Variants in KLHL4 observed in about 807,000 individuals in gnomAD.
KLHL4 encodes the protein kelch-like protein 4.
In KLHL4, 17 loss-of-function variants were observed where a neutral mutation model predicts 45.8. The ratio of observed to expected loss-of-function variants is 0.37; its 90% CI spans 0.25 to 0.56. KLHL4 has a LOEUF of 0.56. Ranked by LOEUF, KLHL4 falls within the 20% of genes least tolerant of loss-of-function variation. KLHL4 has a pLI of 0.79. For synonymous variants in KLHL4, 224 were observed against 189.9 expected, an observed-to-expected ratio of 1.18 and a Z score of -1.47; for missense variants, 544 against 544.9, an observed-to-expected ratio of 1.00 and a Z score of 0.02.
At chrX:87,607,556 A>T (rs1922237614) in intron 1 of KLHL4, among the ~76,000 whole-genome samples, 1 of 111,716 alleles carries the variant, frequency 9.0e-6, no homozygotes, top group African/African-American at 3.3e-5. Context: ...AAAAACAAAA[A>T]CCTTGGTTAA....
chrX:87,527,061 A>C (rs1931125790), intron 1 of KLHL4, among the ~76,000 whole-genome samples: 2 of 112,019 alleles, frequency 1.8e-5, no homozygotes, highest in South Asian at 7.4e-4. Context: ...CAATGGAAAA[A>C]TTTATCATTG....
chrX:87,547,482 A>G (rs1378102960), intron 1 of KLHL4, among the ~76,000 whole-genome samples: 2 of 111,534 alleles, frequency 1.8e-5, no homozygotes, highest in African/African-American at 6.5e-5. Flanking sequence ...CTTTACAGAC[A>G]TGGGAAAACA....
At chrX:87,564,650 C>T (rs948016684) in intron 1 of KLHL4, among the ~76,000 whole-genome samples, 1 of 111,523 alleles carries the variant, frequency 9.0e-6, no homozygotes, top group Non-Finnish European at 1.9e-5. Context: ...TAGCTAACAA[C>T]ACAGCAACAA....
intron 1 of KLHL4, among the ~76,000 whole-genome samples, chrX:87,572,742 G>T (rs1249106408): frequency 9.4e-6 from 1 of 106,335 alleles, no homozygotes; most frequent in African/African-American, 3.4e-5. Context: ...AAAGCAGAAG[G>T]AAAATATGTT....
intron 9 of KLHL4, among the ~76,000 whole-genome samples, chrX:87,637,374 C>T (rs1923297443): frequency 9.0e-6 from 1 of 111,371 alleles, no homozygotes; most frequent in Non-Finnish European, 1.9e-5. Context: ...CATAGTCTAC[C>T]CAAATGAGAA....
In KLHL4 at chrX:87,645,826, C is replaced by T. The variant is rs190160947; in HGVS notation, c.1925+10051C>T. Among the ~76,000 whole-genome samples the T allele has an allele frequency of 6.5e-3, 725 of 111,156 alleles. 4 individuals carry two copies. The highest frequency in any genetic ancestry group is 0.022 in the African/African-American group (674 of 30,589). On this transcript the variant is annotated intron_variant, in intron 9 of 10. Coordinates refer to ENST00000373119, the MANE Select transcript of KLHL4 (RefSeq NM_019117.5). ...TGGAAAACCAAACATTGTATGTTCTCGCTGATATGTGGGAGCTAAACTATG... is the reference window on the plus strand; with the variant it reads ...TGGAAAACCAAACATTGTATGTTCTTGCTGATATGTGGGAGCTAAACTATG...
intron 9 of KLHL4, among the ~76,000 whole-genome samples, chrX:87,641,597 G>C (rs1221562996): frequency 3.6e-5 from 4 of 111,671 alleles, no homozygotes; most frequent in Admixed American, 9.5e-5. Context: ...GGTGGGGGAA[G>C]AACCAAGCCC....
intron 1 of KLHL4, among the ~76,000 whole-genome samples, chrX:87,559,930 A>C (rs1233357503): frequency 8.9e-6 from 1 of 111,872 alleles, no homozygotes; most frequent in Non-Finnish European, 1.9e-5. Context: ...AATTATAAAA[A>C]ACAATTTCTT....
chrX:87,562,617 T>C (rs2213679), intron 1 of KLHL4, among the ~76,000 whole-genome samples: 27,261 of 109,635 alleles, frequency 0.25, 2,918 homozygotes, highest in East Asian at 0.51. Flanking sequence ...CACAGTATAT[T>C]CCTAAAGTTC....
chrX:87,535,761 G>A (rs1396813249), intron 1 of KLHL4, among the ~76,000 whole-genome samples: 1 of 110,582 alleles, frequency 9.0e-6, no homozygotes, highest in Non-Finnish European at 1.9e-5. Context: ...GGGCCTGGTG[G>A]GAGCTGATTG....
Position 87,669,369 on chromosome X carries a change from A to T in KLHL4, c.*2835A>T. ...CTACAAAACTTCTATACCACACAGA[A>T]GCTGAAAGAGACTCTGGGGCACTAA... On this transcript the variant is annotated 3_prime_UTR_variant, in exon 11 of 11. Coordinates refer to ENST00000373119, the MANE Select transcript of KLHL4 (RefSeq NM_019117.5). 1 of 1,208,156 alleles carries T rather than the reference A, an allele frequency of 8.3e-7. No homozygotes were observed. Among genetic ancestry groups the T allele is most frequent in the Non-Finnish European group, 1.1e-6 (1 of 892,663 alleles).
At chrX:87,531,583 C>T (rs1188177742) in intron 1 of KLHL4, among the ~76,000 whole-genome samples, 4 of 106,529 alleles carry the variant, frequency 3.8e-5, no homozygotes, top group East Asian at 3.1e-4. Context: ...CTAGAAAACC[C>T]CATTTTCTCA....
intron 1 of KLHL4, among the ~76,000 whole-genome samples, chrX:87,543,296 G>A (rs1931602889): frequency 9.0e-6 from 1 of 111,554 alleles, no homozygotes; most frequent in South Asian, 3.7e-4. Flanking sequence ...AGGAGAGGCA[G>A]AGCAAGATGG....
intron 1 of KLHL4, among the ~76,000 whole-genome samples, chrX:87,523,038 T>C (rs1931034365): frequency 8.9e-6 from 1 of 112,250 alleles, no homozygotes; most frequent in Non-Finnish European, 1.9e-5. Context: ...ATTTCTGATA[T>C]GTGAAAGACA....
chrX:87,594,691 A>T (rs1921781019), intron 1 of KLHL4, among the ~76,000 whole-genome samples: 1 of 111,806 alleles, frequency 8.9e-6, no homozygotes, highest in Non-Finnish European at 1.9e-5. Context: ...ATACAGATCC[A>T]CTAGAATTCA....
Position 87,549,224 on chromosome X carries a change from G to A in KLHL4, c.422+30909G>A, listed in dbSNP as rs773416684. On this transcript the variant is annotated intron_variant, in intron 1 of 10. Transcript: ENST00000373119. Reference sequence around the variant, plus strand: ...TCAATTTTAAAAAGGATACATAATAGCAACGTTAAATATATATGCATCCAA... The same window carrying A: ...TCAATTTTAAAAAGGATACATAATAACAACGTTAAATATATATGCATCCAA... Among the ~76,000 whole-genome samples, 3 of 110,517 alleles carry A rather than the reference G, an allele frequency of 2.7e-5. No homozygotes were observed. The South Asian group carries it at 1.1e-3, about 42-fold the overall frequency.
intron 1 of KLHL4, among the ~76,000 whole-genome samples, chrX:87,575,474 A>T (rs761685497): frequency 2.7e-5 from 3 of 111,772 alleles, no homozygotes; most frequent in Non-Finnish European, 5.6e-5. Flanking sequence ...GGTGCCAAAA[A>T]GGTTGGGGAC....
chrX:87,537,362 A>T (rs1931454405), intron 1 of KLHL4, among the ~76,000 whole-genome samples: 1 of 111,204 alleles, frequency 9.0e-6, no homozygotes, highest in South Asian at 3.6e-4. Context: ...TTGAATTCTA[A>T]AGGAGGTTTT....
intron 9 of KLHL4, among the ~76,000 whole-genome samples, chrX:87,656,201 G>A (rs927985333): frequency 8.2e-5 from 9 of 110,268 alleles, no homozygotes; most frequent in African/African-American, 3.0e-4. Flanking sequence ...GGAGTTTTTT[G>A]AGTTTCTTGT....
Sources: gnomAD v4.1 joint callset for allele counts (sites outside exome capture counted in the v4.1 genomes callset) on GRCh38, gnomAD v4.1.1 for gene constraint, MANE v1.5 for transcripts, NCBI Gene and HGNC (gene_info 2026-07-23, HGNC 2026-07-21) for gene names.